The following LANCL1 variants were observed in gnomAD, a reference collection of about 807,000 sequenced individuals.
LANCL1 encodes the protein LanC like glutathione S-transferase 1.
A neutral mutation model predicts 50.6 loss-of-function variants in LANCL1; 50 were observed. That is an observed-to-expected ratio of 0.99 (90% CI 0.79 to 1.25). LANCL1 has a LOEUF of 1.25. LANCL1 is among the 50% of genes most tolerant of loss of function. LANCL1 has a pLI of 0.00. For synonymous variants in LANCL1, 188 were observed against 178.6 expected (o/e 1.05, Z -0.42); for missense variants, 532 against 480.7 (o/e 1.11, Z -1.00).
intron 4 of LANCL1, among the ~76,000 whole-genome samples, chr2:210,449,939 T>G (rs1693462110): frequency 6.6e-6 from 1 of 152,214 alleles, no homozygotes; most frequent in East Asian, 1.9e-4. Context: ...ATAGATTCAA[T>G]GCTATCCCCA....
rs1462292132 is a variant in LANCL1 at position 210,455,181 on chromosome 2, T to C, written c.333A>G (p.Ala111=). 3 of 1,613,756 alleles carry C rather than the reference T, an allele frequency of 1.9e-6. No homozygotes were observed. In the African/African-American group the frequency reaches 4.0e-5, roughly 22 times the overall value. Residue 111 remains alanine, a synonymous_variant, in exon 4 of 10, where the codon GCA becomes GCG. Transcript: ENST00000450366. The part of the protein sequence containing the change: ...KRSITFLCGD[A]GPLAVAAVLY... ...GCACAGCGGCCACTGCCAGGGGGCC[T>C]GCATCCCCACAAAGGAAGGTGATGG... is the stretch of plus-strand genomic sequence containing the variant.
In LANCL1 at chr2:210,432,642, C is replaced by T. The variant is rs536704319; in HGVS notation, c.*1845G>A. 2 of 152,294 alleles carry T rather than the reference C, an allele frequency of 1.3e-5. No homozygotes were observed. The highest frequency in any genetic ancestry group is 2.1e-4 in the South Asian group (1 of 4,824). The allele number at this position is 152,294 out of a possible 1,614,324, so 9.4% of individuals were successfully genotyped here. A position where few individuals can be genotyped will look rare whatever the true frequency, so the allele number is the denominator to read the frequency against. On this transcript the variant is annotated 3_prime_UTR_variant, in exon 10 of 10. Transcript: ENST00000450366. ...CCTTGCTTAGTAACGCAGCTAAAAG[C>T]ATAGGCACAGTAGAGTAAGACATTT... is the stretch of plus-strand genomic sequence containing the variant.
rs373574211 is a variant in LANCL1, at chr2:210,454,100, G to C, written c.407+1007C>G. ...AATATAATGATTCCCAAATCATTTT[G>C]GGTGGAGCAAGACTCCCACCCCTTC... On this transcript the variant is annotated intron_variant, in intron 4 of 9. Transcript: ENST00000450366. 5.3e-5 allele frequency among the ~76,000 whole-genome samples: 8 copies of C among 152,070 alleles called. No homozygotes were observed. In the East Asian group the frequency reaches 1.4e-3, roughly 26 times the overall value.
intron 3 of LANCL1, among the ~76,000 whole-genome samples, chr2:210,459,737 AAAAC>A (rs34702156): frequency 0.09 from 13,565 of 150,334 alleles, 1,445 homozygotes; most frequent in African/African-American, 0.26. Flanking sequence ...ATAACTATTA[AAAAC>A]AAACAAACAA....
intron 2 of LANCL1, among the ~76,000 whole-genome samples, chr2:210,475,969 C>A (rs575405135): frequency 1.6e-4 from 24 of 152,104 alleles, no homozygotes; most frequent in Non-Finnish European, 3.1e-4. Flanking sequence ...AGGAGTAACA[C>A]GGCACATGTG....
At chr2:210,444,927 CATTT>C (rs1693264195) in intron 4 of LANCL1, among the ~76,000 whole-genome samples, 1 of 151,712 alleles carries the variant, frequency 6.6e-6, no homozygotes, top group African/African-American at 2.4e-5. Flanking sequence ...TTAATAAAAA[CATTT>C]ATTAAGAATT....
rs372346977 is a variant in LANCL1 at position 210,455,278 on chromosome 2, A to G, written c.236T>C (p.Phe79Ser). 5.6e-5 allele frequency: 90 copies of G among 1,612,738 alleles called. No homozygotes were observed. The highest frequency in any genetic ancestry group is 7.2e-5 in the Non-Finnish European group (85 of 1,179,568). Residue 79 changes from phenylalanine to serine, a missense_variant, in exon 4 of 10, where the codon TTT becomes TCT. Phe to Ser is a radical substitution (Grantham distance 155). Transcript: ENST00000450366. ...AVLYLHLYDV[F>S]GDPAYLQLAH... ...TAACTGTAGGTAGGCAGGGTCCCCA[A>G]ATACATCATAAAGATGTAAGTAAAG...
rs1163790504 is a variant in LANCL1, at chr2:210,470,960, T to C, written c.199+999A>G. On this transcript the variant is annotated intron_variant, in intron 3 of 9. Coordinates refer to ENST00000450366, the MANE Select transcript of LANCL1 (RefSeq NM_006055.3). ...TGGGAAACACTGAGTCTCTAGACTATGCTTTCTTCCAGATTACACAGCTGT... is the reference window on the plus strand; with the variant it reads ...TGGGAAACACTGAGTCTCTAGACTACGCTTTCTTCCAGATTACACAGCTGT... 2.0e-5 allele frequency among the ~76,000 whole-genome samples: 3 copies of C among 152,098 alleles called. No homozygotes were observed. The East Asian group carries it at 5.8e-4, about 29-fold the overall frequency.
chr2:210,472,780 C>T (rs1241521152), intron 2 of LANCL1, among the ~76,000 whole-genome samples: 4 of 152,272 alleles, frequency 2.6e-5, no homozygotes, highest in South Asian at 4.1e-4. Context: ...ATAACTGCCA[C>T]GCCAATTTCA....
At chr2:210,441,250 G>C in intron 5 of LANCL1, 58 bp downstream of exon 5, 1 of 1,532,312 alleles carries the variant, frequency 6.5e-7, no homozygotes, top group Non-Finnish European at 9.0e-7. Flanking sequence ...AATAGTTTAG[G>C]CAGATAGTAA....
intron 2 of LANCL1, among the ~76,000 whole-genome samples, chr2:210,473,315 T>G (rs1434503693): frequency 6.6e-6 from 1 of 152,086 alleles, no homozygotes; most frequent in Admixed American, 6.6e-5. Flanking sequence ...ATGGAGGTTG[T>G]GGTGAGCCGA....
chr2:210,453,794 G>A (rs1055287067), intron 4 of LANCL1, among the ~76,000 whole-genome samples: 44 of 152,070 alleles, frequency 2.9e-4, no homozygotes, highest in African/African-American at 1.0e-3. Context: ...TTTTGTATTG[G>A]CAAGTCTTAT....
rs141915973 is a variant in LANCL1, at chr2:210,455,229, A to G, written c.285T>C (p.Ser95=). 3.1e-6 allele frequency: 5 copies of G among 1,613,156 alleles called. No homozygotes were observed. Among genetic ancestry groups the G allele is most frequent in the Non-Finnish European group, 4.2e-6 (5 of 1,179,714 alleles). ...LQLAHGYVKQ[S]LNCLTKRSIT... is the part of the protein sequence containing the mutation. Reference sequence around the variant, plus strand: ...TGGAGCGCTTGGTTAAGCAGTTCAGACTTTGCTTTACATAGCCATGTGCTA... The same window carrying G: ...TGGAGCGCTTGGTTAAGCAGTTCAGGCTTTGCTTTACATAGCCATGTGCTA... Residue 95 remains serine, a synonymous_variant, in exon 4 of 10, where the codon AGT becomes AGC. Transcript: ENST00000450366.
intron 2 of LANCL1, among the ~76,000 whole-genome samples, chr2:210,475,495 A>AT (rs1387252820): frequency 6.6e-6 from 1 of 152,028 alleles, no homozygotes; most frequent in East Asian, 1.9e-4. Flanking sequence ...ACACCTGGCT[A>AT]ATTTTTAAAA....
chr2:210,449,068 A>C (rs1415258753), intron 4 of LANCL1, among the ~76,000 whole-genome samples: 2 of 152,216 alleles, frequency 1.3e-5, no homozygotes, highest in Admixed American at 1.3e-4. Flanking sequence ...ATTTCAGGCC[A>C]ATATCCCTGA....
intron 5 of LANCL1, among the ~76,000 whole-genome samples, chr2:210,440,970 T>G (rs1269307296): frequency 6.6e-6 from 1 of 152,172 alleles, no homozygotes; most frequent in East Asian, 1.9e-4. Flanking sequence ...CATTACAGTT[T>G]ACAAGAGTTC....
At chr2:210,464,652 A>C (rs1693980785) in intron 3 of LANCL1, among the ~76,000 whole-genome samples, 1 of 152,226 alleles carries the variant, frequency 6.6e-6, no homozygotes, top group Non-Finnish European at 1.5e-5. Flanking sequence ...ATCTATTATA[A>C]AAAGCTAAAA....
Position 210,455,202 on chromosome 2 carries a change from G to A in LANCL1, c.312C>T (p.Ile104=), listed in dbSNP as rs1205308229. Residue 104 remains isoleucine (I), a synonymous_variant, in exon 4 of 10, where the codon ATC becomes ATT. Coordinates refer to ENST00000450366, the MANE Select transcript of LANCL1 (RefSeq NM_006055.3). ...GGCCTGCATCCCCACAAAGGAAGGT[G>A]ATGGAGCGCTTGGTTAAGCAGTTCA... The part of the protein sequence containing the change: ...QSLNCLTKRS[I]TFLCGDAGPL... The A allele has an allele frequency of 6.2e-7, 1 of 1,613,612 alleles. No homozygotes were observed. The highest frequency in any genetic ancestry group is 8.5e-7 in the Non-Finnish European group (1 of 1,179,782).
intron 6 of LANCL1, among the ~76,000 whole-genome samples, chr2:210,438,557 G>A (rs1013271546): frequency 6.6e-6 from 1 of 152,262 alleles, no homozygotes; most frequent in African/African-American, 2.4e-5. Flanking sequence ...TATAAAACAA[G>A]CTTTAAAAGT....
Sources: allele counts gnomAD v4.1 joint callset (sites outside exome capture counted in the v4.1 genomes callset), GRCh38; gene constraint gnomAD v4.1.1; transcripts MANE v1.5; gene names NCBI Gene and HGNC (gene_info 2026-07-23, HGNC 2026-07-21).